PSME3: variants seen among roughly 807,000 people sequenced by gnomAD.
PSME3 encodes proteasome activator complex subunit 3.
A neutral mutation model predicts 38.3 loss-of-function variants in PSME3; 7 were observed. That is an observed-to-expected ratio of 0.18 (90% CI 0.10 to 0.34). PSME3 has a LOEUF of 0.34. PSME3 is among the 10% of genes least tolerant of loss of function. The probability of loss-of-function intolerance (pLI) is 1.00; values close to 1 mark genes in which losing one functional copy is unlikely to be tolerated. For synonymous variants in PSME3, 108 were observed against 105.7 expected (o/e 1.02, Z -0.13); for missense variants, 192 against 307.6 (o/e 0.62, Z 2.81).
At chr17:42,833,773 C>T in intron 1 of PSME3, 100 bp downstream of exon 1, 6 of 1,608,348 alleles carry the variant, frequency 3.7e-6, no homozygotes, top group East Asian at 4.5e-5. Flanking sequence ...CTGGGGATAC[C>T]AGCTCTGAGC....
chr17:42,836,193 CAG>C (rs1289551962), intron 4 of PSME3, among the ~76,000 whole-genome samples: 1 of 151,806 alleles, frequency 6.6e-6, no homozygotes, highest in Non-Finnish European at 1.5e-5. Flanking sequence ...TTAGTGGAGA[CAG>C]GGTTTCACCA....
chr17:42,834,223 T>G, intron 1 of PSME3, 121 bp from the exon 2 acceptor site: 1 of 1,576,956 alleles, frequency 6.3e-7, no homozygotes, highest in Non-Finnish European at 8.6e-7. Context: ...ATTTGCAGTC[T>G]GGGGGCCTCT....
chr17:42,837,782 A>C (rs1355989039), intron 5 of PSME3, 85 bp downstream of exon 5: 3 of 1,442,516 alleles, frequency 2.1e-6, no homozygotes, highest in African/African-American at 1.4e-5. Context: ...TGTTCTCCTG[A>C]CCAGGAGGCA....
chr17:42,838,326 G>A, intron 6 of PSME3, 121 bp downstream of exon 6: 1 of 1,416,122 alleles, frequency 7.1e-7, no homozygotes, highest in East Asian at 2.5e-5. Context: ...TTTTTTTTTT[G>A]AGATGGGGTC....
chr17:42,843,282 TACTCATGCTCATATGTGTGC>T lies in PSME3; in HGVS notation c.*1707_*1726del, dbSNP rs2055556962. 1 of 152,804 alleles carries T rather than the reference TACTCATGCTCATATGTGTGC, an allele frequency of 6.5e-6. No homozygotes were observed. The highest frequency in any genetic ancestry group is 6.5e-5 in the Admixed American group (1 of 15,286). The allele number at this position is 152,804 out of a possible 1,614,324, so 9.5% of individuals were successfully genotyped here. On this transcript the variant is annotated 3_prime_UTR_variant, in exon 11 of 11. Transcript: ENST00000590720. ...TGCAATGCTCTGGTGGCTAGGGATGTACTCATGCTCATATGTGTGCACGCTTGGACACCCACCTCCATGGA... is the reference window on the plus strand; with the variant it reads ...TGCAATGCTCTGGTGGCTAGGGATGTACGCTTGGACACCCACCTCCATGGA...
intron 10 of PSME3, 126 bp downstream of exon 10, chr17:42,839,506 C>A: frequency 2.7e-6 from 2 of 732,494 alleles, no homozygotes; most frequent in Non-Finnish European, 4.6e-6. Context: ...AAATTCTATT[C>A]ATCACCTGAG....
intron 1 of PSME3, chr17:42,833,961 G>A: frequency 7.0e-7 from 1 of 1,437,676 alleles, no homozygotes; most frequent in East Asian, 2.5e-5. Context: ...GCCCAACAAC[G>A]TCCCTGGACA....
Position 42,839,234 on chromosome 17 carries a change from G to A in PSME3, c.598-60G>A, listed in dbSNP as rs1297608833. On this transcript the variant is annotated intron_variant, in intron 9 of 10. Transcript: ENST00000590720. ...AGTGAAGAGTGACTGTTACTGGGAA[G>A]GAGCTGTCTGGAAACAATTGGGCTT... 8 of 1,567,190 alleles carry A rather than the reference G, an allele frequency of 5.1e-6. No individual in the cohort carries two copies. The East Asian group carries it at 9.0e-5, about 18-fold the overall frequency.
At chr17:42,839,080 C>T in intron 8 of PSME3, 32 bp from the exon 9 acceptor site, 1 of 1,590,970 alleles carries the variant, frequency 6.3e-7, no homozygotes, top group Non-Finnish European at 8.6e-7. Flanking sequence ...CAAGGGTCTC[C>T]TGCATCTTCC....
At position 42,833,775 on chromosome 17, in the gene PSME3, G is replaced by C. The variant is rs115525472; in HGVS notation, c.42+102G>C. 5.6e-3 allele frequency: 8,977 copies of C among 1,608,106 alleles called. 392 individuals carry two copies. In the African/African-American group the frequency reaches 0.095, roughly 17 times the overall value. ...CGTCTTTGTCTCCCTGGGGATACCA[G>C]CTCTGAGCTTCCGCTCGGCTCAGCC... On this transcript the variant is annotated intron_variant, in intron 1 of 10. Transcript: ENST00000590720.
Position 42,834,854 on chromosome 17 carries a change from A to G in PSME3, c.221A>G (p.Asn74Ser), listed in dbSNP as rs778805863. 42 of 1,613,830 alleles carry G rather than the reference A, an allele frequency of 2.6e-5. No homozygotes were observed. In the Admixed American group the frequency reaches 2.7e-4, roughly 10 times the overall value. The change falls in exon 4 of 11, where the codon AAT (asparagine) becomes AGT (serine). Residue 74 changes from asparagine to serine, a missense_variant. By Grantham distance (46) the Asn-to-Ser change is conservative. Coordinates refer to ENST00000590720, the MANE Select transcript of PSME3 (RefSeq NM_005789.4). ...LPVPDPILLT[N>S]SHDGLDGPTY... ...GTCCCTGACCCCATTCTTCTCACCA[A>G]TAGCCATGATGGACTGGATGGTGTA... is the stretch of plus-strand genomic sequence containing the variant.
rs370322381 is a variant in PSME3, at chr17:42,836,936, A to G, written c.244-713A>G. On this transcript the variant is annotated intron_variant, in intron 4 of 10. Coordinates refer to ENST00000590720, the MANE Select transcript of PSME3 (RefSeq NM_005789.4). ...ACTCTTGTCACATAGGCTGGAGTGC[A>G]GTGGCACAATCTCGGCTCACTGCAA... Among the ~76,000 whole-genome samples, 116 of 150,840 alleles carry G rather than the reference A, an allele frequency of 7.7e-4. 1 individual carries two copies. The highest frequency in any genetic ancestry group is 3.4e-3 in the Middle Eastern group (1 of 294).
rs1278188406 is a variant in PSME3, at chr17:42,839,031, G to A, written c.542+19G>A. 1.2e-6 allele frequency: 2 copies of A among 1,613,744 alleles called. No individual in the cohort carries two copies. The highest frequency in any genetic ancestry group is 4.5e-5 in the East Asian group (2 of 44,878). On this transcript the variant is annotated intron_variant, in intron 8 of 10. Coordinates refer to ENST00000590720, the MANE Select transcript of PSME3 (RefSeq NM_005789.4). ...TTTCTAGGTAGGGCTGCTTGGGCTTGGCCGAGGCGTTGGGGGCTGATGAGG... is the reference window on the plus strand; with the variant it reads ...TTTCTAGGTAGGGCTGCTTGGGCTTAGCCGAGGCGTTGGGGGCTGATGAGG...
At chr17:42,833,789 C>T (rs760466962) in intron 1 of PSME3, 116 bp downstream of exon 1, 2 of 1,598,566 alleles carry the variant, frequency 1.3e-6, no homozygotes, top group South Asian at 2.2e-5. Flanking sequence ...TGAGCTTCCG[C>T]TCGGCTCAGC....
chr17:42,838,778 C>T lies in PSME3; in HGVS notation c.453C>T (p.Asn151=), dbSNP rs2055494538. 3 of 1,610,900 alleles carry T rather than the reference C, an allele frequency of 1.9e-6. No individual in the cohort carries two copies. Among genetic ancestry groups the T allele is most frequent in the Non-Finnish European group, 1.7e-6 (2 of 1,177,162 alleles). ...QLLIPRIEDG[N]NFGVSIQEET... ...TGATTCCCAGGATAGAAGATGGAAACAACTTTGGGGTGTCCATTCAGGTAA... is the reference window on the plus strand; with the variant it reads ...TGATTCCCAGGATAGAAGATGGAAATAACTTTGGGGTGTCCATTCAGGTAA... Residue 151 remains asparagine, a synonymous_variant, in exon 7 of 11, where the codon AAC becomes AAT. Coordinates refer to ENST00000590720, the MANE Select transcript of PSME3 (RefSeq NM_005789.4).
At chr17:42,835,661 C>T (rs192174483) in intron 4 of PSME3, among the ~76,000 whole-genome samples, 1 of 151,510 alleles carries the variant, frequency 6.6e-6, no homozygotes, top group East Asian at 2.0e-4. Flanking sequence ...GGAGGCGGAG[C>T]TTGCAGTGAG....
intron 10 of PSME3, 38 bp from the exon 11 acceptor site, chr17:42,841,460 G>A (rs756062748): frequency 2.2e-6 from 3 of 1,386,548 alleles, no homozygotes; most frequent in Admixed American, 1.9e-5. Flanking sequence ...GGTAAGGGTT[G>A]TACAGATATG....
intron 4 of PSME3, among the ~76,000 whole-genome samples, chr17:42,837,071 A>G (rs2055472760): frequency 6.7e-6 from 1 of 149,978 alleles, no homozygotes; most frequent in South Asian, 2.1e-4. Context: ...TATTTTTTGG[A>G]GATGGAGTCT....
At chr17:42,841,085 A>G (rs1244615828) in intron 10 of PSME3, among the ~76,000 whole-genome samples, 1 of 150,184 alleles carries the variant, frequency 6.7e-6, no homozygotes, top group Non-Finnish European at 1.5e-5. Flanking sequence ...GTCAGCCGAG[A>G]TCGCGCCATT....
Sources: gnomAD v4.1 joint callset for allele counts (sites outside exome capture counted in the v4.1 genomes callset) on GRCh38, gnomAD v4.1.1 for gene constraint, MANE v1.5 for transcripts, NCBI Gene and HGNC (gene_info 2026-07-23, HGNC 2026-07-21) for gene names.